The following SDK1 variants were observed in gnomAD, a reference collection of about 807,000 sequenced individuals.
SDK1 encodes the protein sidekick cell adhesion molecule 1.
A neutral mutation model predicts 245.5 loss-of-function variants in SDK1; 157 were observed. The observed-to-expected ratio is 0.64, with a 90% CI of 0.56 to 0.73. SDK1 has a LOEUF of 0.73. Among genes scored for constraint, SDK1 ranks in the 30% least tolerant of loss-of-function variants. SDK1 has a pLI of 0.00. For missense variants in SDK1, 3,583 were observed against 3,002.3 expected (o/e 1.19, Z -4.52); for synonymous variants, 1,647 against 1,278.5 (o/e 1.29, Z -6.15).
At chr7:4,122,609 A>T (rs1784141055) in intron 25 of SDK1, among the ~76,000 whole-genome samples, 1 of 152,136 alleles carries the variant, frequency 6.6e-6, no homozygotes, top group Non-Finnish European at 1.5e-5. Context: ...ATATATTATG[A>T]TATATTCTAA....
chr7:3,440,137 T>G (rs1048793067), intron 1 of SDK1, among the ~76,000 whole-genome samples: 2 of 152,200 alleles, frequency 1.3e-5, no homozygotes, highest in African/African-American at 4.8e-5. Context: ...AGTTTTAAAT[T>G]GTGCACCGTC....
At chr7:3,700,934 G>T (rs1426346540) in intron 4 of SDK1, among the ~76,000 whole-genome samples, 2 of 152,050 alleles carry the variant, frequency 1.3e-5, no homozygotes, top group Non-Finnish European at 2.9e-5. Flanking sequence ...TTTCTTCACT[G>T]ATAGGAGATT....
intron 5 of SDK1, among the ~76,000 whole-genome samples, chr7:3,936,038 C>T (rs368115916): frequency 2.6e-5 from 4 of 152,198 alleles, no homozygotes; most frequent in African/African-American, 9.7e-5. Flanking sequence ...TCCACCCACA[C>T]AGTGGAATAC....
At chr7:3,536,196 A>G (rs1289191140) in intron 1 of SDK1, among the ~76,000 whole-genome samples, 2 of 151,272 alleles carry the variant, frequency 1.3e-5, no homozygotes. Context: ...AGCTGTGACT[A>G]CAGGCGCCCG....
chr7:3,884,060 GTTT>G (rs371094045), intron 5 of SDK1, among the ~76,000 whole-genome samples: 19,783 of 139,772 alleles, frequency 0.14, 1,378 homozygotes, highest in Middle Eastern at 0.25. Context: ...TTGTTTGTTT[GTTT>G]TTTGTTTGTT....
At chr7:3,612,908 C>T (rs1781647668) in intron 1 of SDK1, among the ~76,000 whole-genome samples, 1 of 151,940 alleles carries the variant, frequency 6.6e-6, no homozygotes, top group Non-Finnish European at 1.5e-5. Context: ...CACAGACTAC[C>T]CCCCACCCCC....
intron 4 of SDK1, among the ~76,000 whole-genome samples, chr7:3,765,168 A>G (rs763800763): frequency 1.4e-4 from 21 of 152,118 alleles, no homozygotes; most frequent in Non-Finnish European, 2.2e-4. Context: ...AGTGAATTAT[A>G]TAGTGTGTGG....
At chr7:4,115,327 A>C (rs150287662) in intron 25 of SDK1, among the ~76,000 whole-genome samples, 2 of 152,252 alleles carry the variant, frequency 1.3e-5, no homozygotes, top group Non-Finnish European at 2.9e-5. Flanking sequence ...AATACAACTT[A>C]AATTCCTGAC....
chr7:3,901,178 C>CT (rs894588158), intron 5 of SDK1, among the ~76,000 whole-genome samples: 17 of 151,218 alleles, frequency 1.1e-4, no homozygotes, highest in African/African-American at 2.2e-4. Flanking sequence ...AGTTAACTGT[C>CT]TTTTTTTTTC....
At chr7:4,189,438 C>A (rs1010430126) in intron 35 of SDK1, among the ~76,000 whole-genome samples, 1 of 152,208 alleles carries the variant, frequency 6.6e-6, no homozygotes, top group Non-Finnish European at 1.5e-5. Flanking sequence ...TTTTTCCACA[C>A]CCAATGGGGA....
Position 3,614,633 on chromosome 7 carries a change from G to C in SDK1, c.299-4447G>C, listed in dbSNP as rs189854208. On this transcript the variant is annotated intron_variant, in intron 1 of 44. Transcript: ENST00000404826. ...TTCTGTCCCCAAAGTTTTGTGTTTT[G>C]TTACCTTAATGCCCTCTTTTAACTT... Among the ~76,000 whole-genome samples the C allele has an allele frequency of 2.2e-3, 336 of 152,252 alleles. 4 individuals carry two copies. Among genetic ancestry groups the C allele is most frequent in the African/African-American group, 7.9e-3 (327 of 41,536 alleles).
intron 1 of SDK1, among the ~76,000 whole-genome samples, chr7:3,353,713 A>C (rs936391987): frequency 1.3e-5 from 2 of 152,168 alleles, no homozygotes; most frequent in Non-Finnish European, 2.9e-5. Flanking sequence ...TGACTCGATT[A>C]ACATACAAGG....
chr7:3,442,288 T>C (rs1780217765), intron 1 of SDK1, among the ~76,000 whole-genome samples: 1 of 152,206 alleles, frequency 6.6e-6, no homozygotes, highest in South Asian at 2.1e-4. Context: ...AAAGGAGTAT[T>C]GATTATAGTA....
intron 5 of SDK1, among the ~76,000 whole-genome samples, chr7:3,937,981 G>A (rs1467407721): frequency 6.6e-6 from 1 of 152,112 alleles, no homozygotes; most frequent in Non-Finnish European, 1.5e-5. Flanking sequence ...GGGATTACAG[G>A]CACCTACCAC....
At chr7:3,468,329 C>T (rs1232384894) in intron 1 of SDK1, among the ~76,000 whole-genome samples, 6 of 152,018 alleles carry the variant, frequency 3.9e-5, no homozygotes, top group African/African-American at 7.3e-5. Flanking sequence ...CAGAAAATAT[C>T]CCAAAATGAA....
chr7:3,532,144 T>A (rs982112719), intron 1 of SDK1, among the ~76,000 whole-genome samples: 3 of 152,190 alleles, frequency 2.0e-5, no homozygotes, highest in African/African-American at 7.2e-5. Context: ...TCAATAAAAT[T>A]TGATCTGTTT....
rs143457415 is a variant in SDK1, at chr7:4,068,846, T to C, written c.3010+910T>C. The stretch of plus-strand genomic sequence containing the variant: ...AAGCAGTTTTCCTGCCTCAGCCTCC[T>C]GAAGAGCTGGGATTACAGGTGTGTG... On this transcript the variant is annotated intron_variant, in intron 20 of 44. Coordinates refer to ENST00000404826, the MANE Select transcript of SDK1 (RefSeq NM_152744.4). 5.3e-3 allele frequency among the ~76,000 whole-genome samples: 813 copies of C among 152,060 alleles called. 8 individuals are homozygous for C. Among genetic ancestry groups the C allele is most frequent in the African/African-American group, 0.018 (766 of 41,466 alleles).
In SDK1 at chr7:4,233,191, T is replaced by C. The variant is rs1024759040; in HGVS notation, c.5828-64T>C. ...CAAGCCGACCCACCAGGCAGGTGCA[T>C]GGGGCTCGCATCTGGGACTTCGCAC... On this transcript the variant is annotated intron_variant, in intron 40 of 44. Transcript: ENST00000404826. 11 of 1,512,402 alleles carry C rather than the reference T, an allele frequency of 7.3e-6. No individual in the cohort carries two copies. In the African/African-American group the frequency reaches 1.4e-4, roughly 19 times the overall value. The allele number at this position is 1,512,402 out of a possible 1,614,324, so 93.7% of individuals were successfully genotyped here.
At chr7:3,654,971 A>G (rs565283263) in intron 4 of SDK1, among the ~76,000 whole-genome samples, 22 of 152,214 alleles carry the variant, frequency 1.4e-4, no homozygotes, top group African/African-American at 3.1e-4. Context: ...TAAAACTAGG[A>G]TAATTAAAAT....
Sources: allele counts gnomAD v4.1 joint callset (sites outside exome capture counted in the v4.1 genomes callset), GRCh38; gene constraint gnomAD v4.1.1; transcripts MANE v1.5; gene names NCBI Gene and HGNC (gene_info 2026-07-23, HGNC 2026-07-21).